Variants in DLG2 observed in about 807,000 individuals in gnomAD.
DLG2 encodes discs large MAGUK scaffold protein 2, also known as disks large homolog 2.
Under a neutral mutation model 132.5 loss-of-function variants are expected in DLG2, and 45 were observed. The ratio of observed to expected loss-of-function variants is 0.34; its 90% confidence interval spans 0.27 to 0.44. The LOEUF is 0.44. Among genes scored for constraint, DLG2 ranks in the 20% least tolerant of loss-of-function variants. DLG2 has a pLI of 1.00. For missense variants in DLG2, 1,045 were observed against 1,196.9 expected (o/e 0.87, Z 1.87); for synonymous variants, 424 against 419.6 (o/e 1.01, Z -0.13).
intron 7 of DLG2, among the ~76,000 whole-genome samples, chr11:84,323,377 C>A (rs559596045): frequency 9.6e-4 from 146 of 152,198 alleles, no homozygotes; most frequent in South Asian, 9.3e-3. Flanking sequence ...GGATTTCCTT[C>A]TTTTTTATGG....
chr11:84,886,943 A>G (rs890779422), intron 6 of DLG2, among the ~76,000 whole-genome samples: 1 of 152,170 alleles, frequency 6.6e-6, no homozygotes, highest in African/African-American at 2.4e-5. Context: ...TCAAAGTAGT[A>G]TATAAGCTCA....
chr11:85,542,524 C>A (rs115750943), intron 3 of DLG2, among the ~76,000 whole-genome samples: 132 of 152,206 alleles, frequency 8.7e-4, no homozygotes, highest in African/African-American at 3.0e-3. Flanking sequence ...TTAATAGATA[C>A]CATATCTTCA....
chr11:85,191,203 C>CA (rs1222739339), intron 4 of DLG2, among the ~76,000 whole-genome samples: 1 of 150,068 alleles, frequency 6.7e-6, no homozygotes, highest in African/African-American at 2.4e-5. Flanking sequence ...CACACACACA[C>CA]ACGTTTGGAT....
chr11:84,225,920 G>T (rs1188280390), intron 8 of DLG2, among the ~76,000 whole-genome samples: 2 of 151,560 alleles, frequency 1.3e-5, no homozygotes, highest in Admixed American at 1.3e-4. Flanking sequence ...AAGCAATTCT[G>T]CTGCCTCAGC....
At chr11:84,550,030 A>C (rs1392949951) in intron 6 of DLG2, among the ~76,000 whole-genome samples, 1 of 152,072 alleles carries the variant, frequency 6.6e-6, no homozygotes, top group East Asian at 1.9e-4. Flanking sequence ...TGCTGGGATT[A>C]CAGGCATGAG....
intron 6 of DLG2, among the ~76,000 whole-genome samples, chr11:85,106,169 GT>G (rs964849457): frequency 1.1e-4 from 9 of 83,886 alleles, no homozygotes; most frequent in African/African-American, 5.9e-4. Flanking sequence ...AGAAGTGTCT[GT>G]TTTTACTGAT....
intron 6 of DLG2, among the ~76,000 whole-genome samples, chr11:84,725,453 G>A (rs2062327901): frequency 6.6e-6 from 1 of 152,056 alleles, no homozygotes; most frequent in African/African-American, 2.4e-5. Context: ...ATCTTTAGTA[G>A]AGATGTTTTC....
At chr11:85,103,900 G>C (rs2071280410) in intron 6 of DLG2, among the ~76,000 whole-genome samples, 1 of 151,734 alleles carries the variant, frequency 6.6e-6, no homozygotes, top group Non-Finnish European at 1.5e-5. Context: ...TTAAAAATCG[G>C]TATAGGATCT....
chr11:85,039,198 A>G (rs1398123664), intron 6 of DLG2, among the ~76,000 whole-genome samples: 2 of 151,468 alleles, frequency 1.3e-5, no homozygotes, highest in African/African-American at 4.9e-5. Context: ...TAGTAAGAGG[A>G]ATTTTTCTTC....
At chr11:84,276,641 AT>A (rs994029810) in intron 7 of DLG2, among the ~76,000 whole-genome samples, 16 of 152,096 alleles carry the variant, frequency 1.1e-4, no homozygotes, top group African/African-American at 3.6e-4. Context: ...AATTGCTACC[AT>A]TTTTTTTCCA....
At chr11:85,133,057 TG>T in intron 5 of DLG2, 1 of 343,756 alleles carries the variant, frequency 2.9e-6, no homozygotes, top group Non-Finnish European at 5.7e-6. Context: ...GCTCCGTGGC[TG>T]CATGGTCTTT....
chr11:84,925,437 A>G (rs561630140), intron 6 of DLG2, among the ~76,000 whole-genome samples: 1 of 152,244 alleles, frequency 6.6e-6, no homozygotes, highest in South Asian at 2.1e-4. Flanking sequence ...ATACCTGTCT[A>G]GCCTACAAAA....
chr11:83,632,989 C>T, intron 19 of DLG2: 2 of 508,694 alleles, frequency 3.9e-6, no homozygotes, highest in Non-Finnish European at 7.0e-6. Context: ...TGAATCATAA[C>T]TTTGCCAAAG....
chr11:85,370,301 T>C (rs541751365), intron 3 of DLG2, among the ~76,000 whole-genome samples: 29 of 152,300 alleles, frequency 1.9e-4, no homozygotes, highest in Admixed American at 3.9e-4. Flanking sequence ...TAGTAAAAGG[T>C]TATAAGAAGG....
intron 7 of DLG2, among the ~76,000 whole-genome samples, chr11:84,478,042 C>A (rs1461613830): frequency 1.3e-5 from 2 of 152,106 alleles, no homozygotes; most frequent in African/African-American, 4.8e-5. Context: ...CAAAGTCACA[C>A]AGCTAGTAAA....
At chr11:83,990,299 G>C (rs2514171) in intron 11 of DLG2, among the ~76,000 whole-genome samples, 149,712 of 152,264 alleles carry the variant, frequency 0.98, 73,607 homozygotes, top group East Asian at 1. Flanking sequence ...ATCAATTATA[G>C]AAAGCTGGGT....
chr11:85,323,230 G>A (rs2081203817), intron 3 of DLG2, among the ~76,000 whole-genome samples: 2 of 152,092 alleles, frequency 1.3e-5, no homozygotes, highest in South Asian at 4.1e-4. Context: ...ATCACTAACA[G>A]TCTCCTAAAA....
intron 6 of DLG2, among the ~76,000 whole-genome samples, chr11:84,690,452 G>A (rs1452284303): frequency 2.0e-5 from 3 of 150,074 alleles, no homozygotes; most frequent in African/African-American, 2.4e-5. Context: ...TACTTAGATT[G>A]GAAAAAAAAA....
intron 16 of DLG2, among the ~76,000 whole-genome samples, chr11:83,857,661 G>A (rs539277852): frequency 6.6e-6 from 1 of 152,140 alleles, no homozygotes; most frequent in African/African-American, 2.4e-5. Context: ...AAAAGTGAAC[G>A]CTAATGTAAG....
Sources: gnomAD v4.1 joint callset for allele counts (sites outside exome capture counted in the v4.1 genomes callset) on GRCh38, gnomAD v4.1.1 for gene constraint, MANE v1.5 for transcripts, NCBI Gene and HGNC (gene_info 2026-07-23, HGNC 2026-07-21) for gene names.